The following ATXN1 variants were observed in gnomAD, a reference collection of about 807,000 sequenced individuals.
The protein encoded by ATXN1 is ataxin-1.
In ATXN1, 8 loss-of-function variants were observed where a neutral mutation model predicts 56.4. That is an observed-to-expected ratio of 0.14 (90% CI 0.08 to 0.26). The LOEUF (loss-of-function observed/expected upper bound fraction) is 0.26. Among genes scored for constraint, ATXN1 ranks in the 10% least tolerant of loss-of-function variants. The pLI, the probability that ATXN1 is intolerant of heterozygous loss-of-function variation, is 1.00. For missense variants in ATXN1, 987 were observed against 1,106.5 expected, an observed-to-expected ratio of 0.89 and a Z score of 1.53; for synonymous variants, 514 against 494.6, an observed-to-expected ratio of 1.04 and a Z score of -0.52.
At chr6:16,479,662 A>G (rs56183437) in intron 6 of ATXN1, among the ~76,000 whole-genome samples, 2,052 of 152,302 alleles carry the variant, frequency 0.013, 13 homozygotes, top group African/African-American at 0.027. Flanking sequence ...TCTTATCACT[A>G]TTCAGTCATC....
intron 4 of ATXN1, among the ~76,000 whole-genome samples, chr6:16,534,526 CTGTAG>C (rs1170378285): frequency 6.6e-6 from 1 of 151,694 alleles, no homozygotes; most frequent in African/African-American, 2.4e-5. Context: ...TTGCAGACTT[CTGTAG>C]TGTAAACACT....
At chr6:16,528,411 T>C (rs542842035) in intron 4 of ATXN1, among the ~76,000 whole-genome samples, 1 of 152,206 alleles carries the variant, frequency 6.6e-6, no homozygotes, top group East Asian at 1.9e-4. Flanking sequence ...GTATTCCAGA[T>C]CTAGCCATAA....
At chr6:16,743,226 T>C (rs562617792) in intron 2 of ATXN1, among the ~76,000 whole-genome samples, 1 of 152,320 alleles carries the variant, frequency 6.6e-6, no homozygotes, top group South Asian at 2.1e-4. Context: ...TGCAGTACTA[T>C]AAAACTTAAA....
intron 6 of ATXN1, among the ~76,000 whole-genome samples, chr6:16,441,609 C>T (rs750513831): frequency 3.3e-5 from 5 of 151,634 alleles, no homozygotes; most frequent in Non-Finnish European, 5.9e-5. Flanking sequence ...TAAAGGAACA[C>T]TAATCCCAAT....
rs867225991 is a variant in ATXN1 at position 16,703,225 on chromosome 6, G to A, written c.-614-45324C>T. ...AAACCATCATTCTCAGCAAACTATCGCAAGGACAAAAAACCAAACACCGCA... is the reference window on the plus strand; with the variant it reads ...AAACCATCATTCTCAGCAAACTATCACAAGGACAAAAAACCAAACACCGCA... On this transcript the variant is annotated intron_variant, in intron 2 of 7. Transcript: ENST00000436367. 2.1e-4 allele frequency among the ~76,000 whole-genome samples: 32 copies of A among 151,954 alleles called. 1 individual carries two copies. In the South Asian group the frequency reaches 2.7e-3, roughly 13 times the overall value.
At chr6:16,541,400 G>C (rs1761710452) in intron 4 of ATXN1, among the ~76,000 whole-genome samples, 1 of 152,198 alleles carries the variant, frequency 6.6e-6, no homozygotes, top group South Asian at 2.1e-4. Context: ...TTCCCAGCTT[G>C]AGCGTCTCTT....
chr6:16,444,187 G>A (rs966859728), intron 6 of ATXN1, among the ~76,000 whole-genome samples: 1 of 151,722 alleles, frequency 6.6e-6, no homozygotes, highest in Non-Finnish European at 1.5e-5. Flanking sequence ...TCCTATCACT[G>A]GCTGTGTCCA....
intron 2 of ATXN1, among the ~76,000 whole-genome samples, chr6:16,715,816 C>G (rs1581389347): frequency 6.6e-6 from 1 of 152,174 alleles, no homozygotes; most frequent in South Asian, 2.1e-4. Context: ...CCGTAAGTTT[C>G]CCAGTTTGGC....
chr6:16,529,950 C>G (rs1219816150), intron 4 of ATXN1, among the ~76,000 whole-genome samples: 1 of 152,124 alleles, frequency 6.6e-6, no homozygotes, highest in East Asian at 1.9e-4. Flanking sequence ...CTCAGAGAAT[C>G]ATAAATAAAA....
At chr6:16,447,971 C>G (rs913866618) in intron 6 of ATXN1, among the ~76,000 whole-genome samples, 4 of 152,142 alleles carry the variant, frequency 2.6e-5, no homozygotes, top group Admixed American at 6.5e-5. Flanking sequence ...AGTTCCCACC[C>G]AATGCAGAGT....
chr6:16,690,773 C>A (rs1759027593), intron 2 of ATXN1, among the ~76,000 whole-genome samples: 2 of 152,162 alleles, frequency 1.3e-5, no homozygotes, highest in Admixed American at 6.5e-5. Context: ...AGTTACCCAA[C>A]CAGCACCAAT....
chr6:16,665,552 TG>T (rs989738279), intron 2 of ATXN1, among the ~76,000 whole-genome samples: 2 of 47,452 alleles, frequency 4.2e-5, no homozygotes, highest in South Asian at 6.9e-4. Context: ...TGGGTGGGGG[TG>T]GGGGGGTTCC....
chr6:16,436,383 C>T (rs1375891194), intron 6 of ATXN1, among the ~76,000 whole-genome samples: 1 of 152,156 alleles, frequency 6.6e-6, no homozygotes, highest in East Asian at 1.9e-4. Flanking sequence ...AATTACCTAT[C>T]CTCATGGAAA....
At chr6:16,557,162 T>A (rs1012845509) in intron 4 of ATXN1, among the ~76,000 whole-genome samples, 7 of 151,806 alleles carry the variant, frequency 4.6e-5, no homozygotes, top group African/African-American at 1.7e-4. Context: ...CCGTCTCTAC[T>A]AAAAATACAA....
intron 2 of ATXN1, among the ~76,000 whole-genome samples, chr6:16,683,032 G>A (rs901014045): frequency 6.6e-6 from 1 of 152,010 alleles, no homozygotes; most frequent in Admixed American, 6.5e-5. Flanking sequence ...AGCCTTGACC[G>A]CCAAAACCAA....
At chr6:16,605,535 C>G (rs1185717326) in intron 3 of ATXN1, among the ~76,000 whole-genome samples, 1 of 152,170 alleles carries the variant, frequency 6.6e-6, no homozygotes, top group Non-Finnish European at 1.5e-5. Context: ...CATTTGCTCA[C>G]AATTCAAAAT....
rs139240996 is a variant in ATXN1 at position 16,322,272 on chromosome 6, C to T, written c.1917+4122G>A. ...CAAAAACCCACAGAAAAACAAAACT[C>T]ATTTGCCTGGTTTAGAGAGGAGAGT... On this transcript the variant is annotated intron_variant, in intron 7 of 7. Coordinates refer to ENST00000436367, the MANE Select transcript of ATXN1 (RefSeq NM_001128164.2). Among the ~76,000 whole-genome samples, 327 of 152,222 alleles carry T rather than the reference C, an allele frequency of 2.1e-3. 2 individuals are homozygous for T. The highest frequency in any genetic ancestry group is 7.5e-3 in the African/African-American group (313 of 41,534).
chr6:16,491,837 C>T (rs1018421645), intron 5 of ATXN1, among the ~76,000 whole-genome samples: 3 of 152,086 alleles, frequency 2.0e-5, no homozygotes, highest in Non-Finnish European at 2.9e-5. Flanking sequence ...AGGGATGGGG[C>T]TTTACCAGGA....
intron 6 of ATXN1, among the ~76,000 whole-genome samples, chr6:16,345,273 G>GA (rs1157436805): frequency 2.0e-5 from 3 of 152,144 alleles, no homozygotes; most frequent in African/African-American, 7.2e-5. Context: ...CTCGGGTCAG[G>GA]AAGTACAAGT....
Sources: allele counts gnomAD v4.1 joint callset (sites outside exome capture counted in the v4.1 genomes callset), GRCh38; gene constraint gnomAD v4.1.1; transcripts MANE v1.5; gene names NCBI Gene and HGNC (gene_info 2026-07-23, HGNC 2026-07-21).